The following CNTNAP2 variants were observed in gnomAD, a reference collection of about 807,000 sequenced individuals.
CNTNAP2 encodes contactin associated protein 2.
Under a neutral mutation model 155.2 loss-of-function variants are expected in CNTNAP2, and 98 were observed. The ratio of observed to expected loss-of-function variants is 0.63; its 90% CI spans 0.54 to 0.75. The LOEUF is 0.75. CNTNAP2 is among the 30% of genes least tolerant of loss of function. The probability of loss-of-function intolerance (pLI) is 0.00; values close to 1 mark genes in which losing one functional copy is unlikely to be tolerated. For synonymous variants in CNTNAP2, 651 were observed against 631.2 expected (o/e 1.03, Z -0.47); for missense variants, 1,727 against 1,688.1 (o/e 1.02, Z -0.40).
chr7:146,684,639 C>CAAAAA (rs3080477), intron 1 of CNTNAP2, among the ~76,000 whole-genome samples: 3,326 of 63,344 alleles, frequency 0.053, 587 homozygotes, highest in East Asian at 0.12. Context: ...AGATCCAGCG[C>CAAAAA]AAAAAAAAAA....
intron 1 of CNTNAP2, among the ~76,000 whole-genome samples, chr7:146,614,417 A>G (rs537345123): frequency 6.6e-6 from 1 of 152,208 alleles, no homozygotes; most frequent in African/African-American, 2.4e-5. Flanking sequence ...AAATTTTTCA[A>G]CCTGGCATAT....
chr7:148,254,483 A>C (rs938958287), intron 20 of CNTNAP2, among the ~76,000 whole-genome samples: 7 of 152,158 alleles, frequency 4.6e-5, no homozygotes, highest in African/African-American at 1.7e-4. Flanking sequence ...CATTTATTTA[A>C]TTAAAAACTT....
At chr7:147,792,661 C>A (rs920783513) in intron 13 of CNTNAP2, among the ~76,000 whole-genome samples, 1 of 152,082 alleles carries the variant, frequency 6.6e-6, no homozygotes, top group African/African-American at 2.4e-5. Context: ...CTTCTATGAC[C>A]ATTCATCTAC....
At chr7:147,239,907 T>C (rs1359200003) in intron 8 of CNTNAP2, among the ~76,000 whole-genome samples, 1 of 152,198 alleles carries the variant, frequency 6.6e-6, no homozygotes, top group Non-Finnish European at 1.5e-5. Flanking sequence ...TCATATATAA[T>C]ATTTTTTATT....
chr7:146,431,353 T>G (rs1025476937), intron 1 of CNTNAP2, among the ~76,000 whole-genome samples: 3 of 152,036 alleles, frequency 2.0e-5, no homozygotes, highest in Non-Finnish European at 2.9e-5. Flanking sequence ...CAATTCTAAT[T>G]ATTAAAGAAT....
Position 148,229,763 on chromosome 7 carries a change from A to G in CNTNAP2, c.3365A>G (p.Lys1122Arg). ...PHSVNITRHEKTIFLKLDHYP... is the reference protein window; with the variant it reads ...PHSVNITRHERTIFLKLDHYP... Reference sequence around the variant, plus strand: ...AGTGTCAACATCACCCGCCACGAGAAGACCATCTTTCTCAAGGTATACATA... The same window carrying G: ...AGTGTCAACATCACCCGCCACGAGAGGACCATCTTTCTCAAGGTATACATA... Residue 1122 changes from lysine to arginine, a missense_variant, in exon 20 of 24, where the codon AAG (lysine) becomes AGG (arginine). Transcript: ENST00000361727. The G allele has an allele frequency of 6.2e-7, 1 of 1,614,166 alleles. No homozygotes were observed.
intron 13 of CNTNAP2, among the ~76,000 whole-genome samples, chr7:147,861,999 C>CAAAAA (rs57139075): frequency 0.083 from 7,802 of 94,312 alleles, 514 homozygotes; most frequent in South Asian, 0.13. Context: ...CTCCATCTCA[C>CAAAAA]AAAAAAAAAA....
intron 1 of CNTNAP2, among the ~76,000 whole-genome samples, chr7:146,577,528 A>AT (rs1276799221): frequency 3.9e-5 from 6 of 151,976 alleles, no homozygotes; most frequent in African/African-American, 9.7e-5. Context: ...AGACTTTTAA[A>AT]TTTTTTTTGT....
chr7:146,733,677 C>A (rs2040383462), intron 1 of CNTNAP2, among the ~76,000 whole-genome samples: 1 of 151,776 alleles, frequency 6.6e-6, no homozygotes, highest in Admixed American at 6.6e-5. Context: ...TGAGGATGTG[C>A]AGTCATGGAG....
At chr7:146,176,997 G>A (rs1289135502) in intron 1 of CNTNAP2, among the ~76,000 whole-genome samples, 1 of 152,134 alleles carries the variant, frequency 6.6e-6, no homozygotes, top group East Asian at 1.9e-4. Flanking sequence ...GACAGGTTTA[G>A]TCCAGTTTTG....
intron 12 of CNTNAP2, among the ~76,000 whole-genome samples, chr7:147,593,514 C>T (rs1006298610): frequency 3.4e-4 from 52 of 151,910 alleles, no homozygotes; most frequent in African/African-American, 1.3e-3. Context: ...TACCACTTAC[C>T]ATCTGTTTAA....
At chr7:147,835,789 G>A (rs1392559669) in intron 13 of CNTNAP2, among the ~76,000 whole-genome samples, 1 of 152,198 alleles carries the variant, frequency 6.6e-6, no homozygotes, top group African/African-American at 2.4e-5. Context: ...GTCCTCATGA[G>A]AGAAAGGAGA....
At chr7:146,598,967 G>C (rs1798905523) in intron 1 of CNTNAP2, among the ~76,000 whole-genome samples, 1 of 151,968 alleles carries the variant, frequency 6.6e-6, no homozygotes, top group Non-Finnish European at 1.5e-5. Flanking sequence ...CTTTGTTCCA[G>C]TTCCCCATCT....
At chr7:148,028,419 C>A (rs1286242703) in intron 15 of CNTNAP2, among the ~76,000 whole-genome samples, 1 of 152,130 alleles carries the variant, frequency 6.6e-6, no homozygotes, top group African/African-American at 2.4e-5. Flanking sequence ...TTAACCCAGG[C>A]TCTCTGAACC....
At chr7:146,617,549 C>T (rs1312139089) in intron 1 of CNTNAP2, among the ~76,000 whole-genome samples, 1 of 150,468 alleles carries the variant, frequency 6.6e-6, no homozygotes, top group Non-Finnish European at 1.5e-5. Flanking sequence ...TAAACTTCTT[C>T]CTTAAATAAA....
At chr7:146,851,304 CA>C (rs1794873405) in intron 3 of CNTNAP2, among the ~76,000 whole-genome samples, 1 of 152,060 alleles carries the variant, frequency 6.6e-6, no homozygotes, top group South Asian at 2.1e-4. Flanking sequence ...ATTTTCAATA[CA>C]AAAATTGAGG....
intron 22 of CNTNAP2, among the ~76,000 whole-genome samples, chr7:148,405,603 A>ATTTTTTTTT (rs535094195): frequency 1.6e-4 from 6 of 36,832 alleles, no homozygotes; most frequent in Admixed American, 4.6e-4. Flanking sequence ...TGCACAGCTA[A>ATTTTTTTTT]TTTTTTTTTT....
intron 9 of CNTNAP2, among the ~76,000 whole-genome samples, chr7:147,386,156 C>A (rs1283139807): frequency 6.6e-6 from 1 of 152,124 alleles, no homozygotes; most frequent in African/African-American, 2.4e-5. Context: ...CAGAGGGACC[C>A]TGAGCCCGAC....
chr7:148,245,940 T>G (rs1046189437), intron 20 of CNTNAP2, among the ~76,000 whole-genome samples: 1 of 152,184 alleles, frequency 6.6e-6, no homozygotes, highest in Non-Finnish European at 1.5e-5. Context: ...CCTCTCCACC[T>G]TCTACTTCTG....
Sources: allele counts gnomAD v4.1 joint callset (sites outside exome capture counted in the v4.1 genomes callset), GRCh38; gene constraint gnomAD v4.1.1; transcripts MANE v1.5; gene names NCBI Gene and HGNC (gene_info 2026-07-23, HGNC 2026-07-21).